The following ATP6V1C1 variants were observed in gnomAD, a reference collection of about 807,000 sequenced individuals.
ATP6V1C1 encodes ATPase H+ transporting V1 subunit C1, also known as V-type proton ATPase subunit C 1.
Under a neutral mutation model 53.9 loss-of-function variants are expected in ATP6V1C1, and 45 were observed. The observed-to-expected ratio is 0.83, with a 90% CI of 0.66 to 1.07. The LOEUF is 1.07. Among genes scored for constraint, ATP6V1C1 ranks in the 50% least tolerant of loss-of-function variants. The pLI is 0.00. For missense variants in ATP6V1C1, 315 were observed against 440.3 expected, an observed-to-expected ratio of 0.72 and a Z score of 2.55; for synonymous variants, 153 against 155.2, an observed-to-expected ratio of 0.99 and a Z score of 0.11.
chr8:103,052,880 C>G (rs1277039930), intron 6 of ATP6V1C1, 58 bp downstream of exon 6: 1 of 1,032,808 alleles, frequency 9.7e-7, no homozygotes, highest in Non-Finnish European at 1.4e-6. Flanking sequence ...TAGCATGCAC[C>G]GAAGGAGATA....
At chr8:103,028,782 T>C (rs893308046) in intron 1 of ATP6V1C1, among the ~76,000 whole-genome samples, 4 of 152,234 alleles carry the variant, frequency 2.6e-5, no homozygotes, top group African/African-American at 9.6e-5. Flanking sequence ...TTGGGTTTTC[T>C]TTGACTATGA....
chr8:103,025,543 C>T (rs1816681019), intron 1 of ATP6V1C1, among the ~76,000 whole-genome samples: 2 of 152,180 alleles, frequency 1.3e-5, no homozygotes, highest in African/African-American at 4.8e-5. Context: ...AATGTAACTC[C>T]TTTAGTGTAA....
chr8:103,055,353 A>G (rs995060624), intron 7 of ATP6V1C1, among the ~76,000 whole-genome samples: 3 of 151,918 alleles, frequency 2.0e-5, no homozygotes, highest in Non-Finnish European at 4.4e-5. Context: ...CTCTCCCCAC[A>G]CCCCTGGAAG....
chr8:103,044,483 G>C (rs1161393340), intron 3 of ATP6V1C1, among the ~76,000 whole-genome samples: 1 of 152,104 alleles, frequency 6.6e-6, no homozygotes, highest in East Asian at 1.9e-4. Context: ...TTGTTGAAAA[G>C]ACTGTTTTTT....
At position 103,040,902 on chromosome 8, in the gene ATP6V1C1, G is replaced by C. The variant is rs1258304321; in HGVS notation, c.66G>C (p.Leu22Phe). ...EKTCQQTWEK[L>F]HAATSKNNNL... ...CCTGTCAGCAAACATGGGAGAAATT[G>C]CATGCGGCAACTTCAAAGAACAATA... Residue 22 changes from leucine to phenylalanine, a missense_variant, in exon 2 of 13, where the codon TTG becomes TTC. Transcript: ENST00000518738. 1 of 1,614,092 alleles carries C rather than the reference G, an allele frequency of 6.2e-7. No individual in the cohort carries two copies. The highest frequency in any genetic ancestry group is 1.1e-5 in the South Asian group (1 of 91,086).
At chr8:103,029,773 C>T (rs1816764258) in intron 1 of ATP6V1C1, among the ~76,000 whole-genome samples, 1 of 151,564 alleles carries the variant, frequency 6.6e-6, no homozygotes, top group African/African-American at 2.4e-5. Context: ...TGCTTTGTCG[C>T]CCAGGCTGGA....
chr8:103,048,991 A>C (rs746413732), intron 4 of ATP6V1C1, 36 bp downstream of exon 4: 4 of 1,571,748 alleles, frequency 2.5e-6, no homozygotes, highest in Admixed American at 1.7e-5. Context: ...TTATTAACTC[A>C]TACAAAGCAA....
intron 3 of ATP6V1C1, among the ~76,000 whole-genome samples, chr8:103,047,430 G>GCA (rs546475923): frequency 0.047 from 4,953 of 104,856 alleles, 125 homozygotes; most frequent in African/African-American, 0.055. Context: ...AAATGCGCGC[G>GCA]CACACACACA....
intron 4 of ATP6V1C1, among the ~76,000 whole-genome samples, chr8:103,049,573 C>G (rs994249186): frequency 6.6e-6 from 1 of 152,082 alleles, no homozygotes; most frequent in Non-Finnish European, 1.5e-5. Context: ...TTCTTGTTTT[C>G]TTATGAAATG....
rs58257930 is a variant in ATP6V1C1, at chr8:103,032,001, T to TAA, written c.-39-8788_-39-8787dup. Among the ~76,000 whole-genome samples, 65 of 109,644 alleles carry TAA rather than the reference T, an allele frequency of 5.9e-4. 1 individual carries two copies. The highest frequency in any genetic ancestry group is 9.4e-4 in the Non-Finnish European group (45 of 47,812). 71.9% of individuals were successfully genotyped at this position (109,644 alleles called of 152,430 possible). A position where few individuals can be genotyped will look rare whatever the true frequency, so the allele number is the denominator to read the frequency against. On this transcript the variant is annotated intron_variant, in intron 1 of 12. Transcript: ENST00000518738. ...CACATGCTACAGAAAGCATATATTG[T>TAA]AAAAAAAAAACAAAAAACAAAAAAC...
chr8:103,044,582 G>A (rs1413611312), intron 3 of ATP6V1C1, among the ~76,000 whole-genome samples: 2 of 151,890 alleles, frequency 1.3e-5, no homozygotes, highest in Non-Finnish European at 2.9e-5. Flanking sequence ...CTGTTTCACT[G>A]ATCTATGTTT....
chr8:103,023,258 A>G (rs1394964908), intron 1 of ATP6V1C1, among the ~76,000 whole-genome samples: 1 of 147,962 alleles, frequency 6.8e-6, no homozygotes, highest in Admixed American at 6.7e-5. Flanking sequence ...GATTACAGGC[A>G]GTGGATTGAG....
intron 3 of ATP6V1C1, among the ~76,000 whole-genome samples, chr8:103,044,204 G>A (rs975554534): frequency 6.6e-6 from 1 of 152,152 alleles, no homozygotes; most frequent in Non-Finnish European, 1.5e-5. Flanking sequence ...TTTCTTGATT[G>A]TATCTGTGAA....
Position 103,052,720 on chromosome 8 carries a change from CT to C in ATP6V1C1, c.382-6del. On this transcript the variant is annotated splice_polypyrimidine_tract_variant and intron_variant, in intron 5 of 12. Transcript: ENST00000518738. ...AATTTTATCTATTTTTCTTCTTTTT[CT>C]TTTTCAAAGGGAGTAACTCAGATTG... The C allele has an allele frequency of 6.5e-7, 1 of 1,535,514 alleles. No homozygotes were observed.
intron 1 of ATP6V1C1, among the ~76,000 whole-genome samples, chr8:103,026,861 C>T (rs777203159): frequency 2.0e-4 from 31 of 152,140 alleles, no homozygotes; most frequent in Non-Finnish European, 3.7e-4. Flanking sequence ...AATCTCATTT[C>T]GTATGAATCA....
chr8:103,021,886 A>C (rs1414265742), intron 1 of ATP6V1C1, among the ~76,000 whole-genome samples: 1 of 152,198 alleles, frequency 6.6e-6, no homozygotes, highest in Non-Finnish European at 1.5e-5. Flanking sequence ...CTTGAGAAAC[A>C]GGAGTAAGGG....
chr8:103,069,342 G>A lies in ATP6V1C1; in HGVS notation c.*595G>A, dbSNP rs1027330279. 5 of 152,180 alleles carry A rather than the reference G, an allele frequency of 3.3e-5. No individual in the cohort carries two copies. The highest frequency in any genetic ancestry group is 5.9e-5 in the Non-Finnish European group (4 of 68,028). 9.4% of individuals were successfully genotyped at this position (152,180 alleles called of 1,614,324 possible). A position where few individuals can be genotyped will look rare whatever the true frequency, so the allele number is the denominator to read the frequency against. ...TGTTTGAGAGTTAAATGATGTCATA[G>A]CTCACTTGCTATGCTGCTTCCAGGA... On this transcript the variant is annotated 3_prime_UTR_variant, in exon 13 of 13. Transcript: ENST00000518738.
chr8:103,027,665 C>A (rs1816722297), intron 1 of ATP6V1C1, among the ~76,000 whole-genome samples: 1 of 150,988 alleles, frequency 6.6e-6, no homozygotes, highest in South Asian at 2.1e-4. Context: ...CTCCTTTCCT[C>A]CCACTTTTTT....
intron 8 of ATP6V1C1, among the ~76,000 whole-genome samples, chr8:103,062,514 C>G (rs1414129854): frequency 2.6e-5 from 4 of 152,058 alleles, no homozygotes; most frequent in African/African-American, 9.7e-5. Flanking sequence ...AAGGAAAGAT[C>G]CAAGGTTTAA....
Sources: allele counts gnomAD v4.1 joint callset (sites outside exome capture counted in the v4.1 genomes callset), GRCh38; gene constraint gnomAD v4.1.1; transcripts MANE v1.5; gene names NCBI Gene and HGNC (gene_info 2026-07-23, HGNC 2026-07-21).